CAMKMT: variants seen among roughly 807,000 people sequenced by gnomAD.
The protein encoded by CAMKMT is calmodulin-lysine N-methyltransferase, also known as CaM KMT.
CAMKMT carries 53 observed loss-of-function variants against 48.0 expected under a neutral mutation model. The ratio of observed to expected loss-of-function variants is 1.10; its 90% CI spans 0.89 to 1.39. The LOEUF is 1.39. CAMKMT is among the 40% of genes most tolerant of loss of function. CAMKMT has a pLI of 0.00. For missense variants in CAMKMT, 428 were observed against 402.7 expected, an observed-to-expected ratio of 1.06 and a Z score of -0.54; for synonymous variants, 165 against 152.3, an observed-to-expected ratio of 1.08 and a Z score of -0.61.
chr2:44,465,156 T>C (rs1399067014), intron 3 of CAMKMT, among the ~76,000 whole-genome samples: 4 of 152,142 alleles, frequency 2.6e-5, no homozygotes, highest in Non-Finnish European at 4.4e-5. Context: ...TGTAAAGGAA[T>C]GAAATATTTA....
intron 3 of CAMKMT, among the ~76,000 whole-genome samples, chr2:44,558,063 A>T (rs892946020): frequency 9.1e-6 from 1 of 109,552 alleles, no homozygotes; most frequent in Non-Finnish European, 2.1e-5. Context: ...TCATTCATTC[A>T]TTCATTCATT....
intron 3 of CAMKMT, among the ~76,000 whole-genome samples, chr2:44,644,546 G>A (rs1297173909): frequency 6.6e-6 from 1 of 152,154 alleles, no homozygotes; most frequent in Non-Finnish European, 1.5e-5. Flanking sequence ...AAAGGCTTTT[G>A]TATTTTCTTC....
chr2:44,683,801 C>A (rs866477024), intron 3 of CAMKMT, among the ~76,000 whole-genome samples: 3 of 111,512 alleles, frequency 2.7e-5, no homozygotes, highest in South Asian at 3.0e-4. Flanking sequence ...CCAGCCTGGG[C>A]GACAGAGCGA....
chr2:44,591,273 T>G (rs1192163811), intron 3 of CAMKMT, among the ~76,000 whole-genome samples: 5 of 152,160 alleles, frequency 3.3e-5, no homozygotes, highest in African/African-American at 1.2e-4. Flanking sequence ...TAAAGTAGTT[T>G]TTTCCAATTC....
intron 3 of CAMKMT, among the ~76,000 whole-genome samples, chr2:44,696,409 T>G (rs1297765591): frequency 6.6e-6 from 1 of 152,198 alleles, no homozygotes; most frequent in Non-Finnish European, 1.5e-5. Flanking sequence ...GCAGTTGTAC[T>G]TCTAAAAGAA....
At chr2:44,395,891 TACA>T (rs1681792369) in intron 3 of CAMKMT, among the ~76,000 whole-genome samples, 1 of 152,162 alleles carries the variant, frequency 6.6e-6, no homozygotes, top group Non-Finnish European at 1.5e-5. Context: ...AATGTAAAGC[TACA>T]CAATTAAAAT....
At chr2:44,366,622 A>T (rs978930823) in intron 1 of CAMKMT, among the ~76,000 whole-genome samples, 1 of 152,186 alleles carries the variant, frequency 6.6e-6, no homozygotes, top group Non-Finnish European at 1.5e-5. Flanking sequence ...GATAACACAT[A>T]CTTTGGAAGG....
At chr2:44,600,455 G>C (rs1670919669) in intron 3 of CAMKMT, among the ~76,000 whole-genome samples, 1 of 151,862 alleles carries the variant, frequency 6.6e-6, no homozygotes, top group South Asian at 2.1e-4. Flanking sequence ...TTGGTAGAGA[G>C]ACAGGGTTTT....
At chr2:44,631,487 A>T in intron 3 of CAMKMT, 1 of 613,320 alleles carries the variant, frequency 1.6e-6, no homozygotes, top group African/African-American at 1.9e-5. Context: ...TTTTTTTTGT[A>T]CAGATGATGT....
At chr2:44,570,350 T>C (rs2103732645) in intron 3 of CAMKMT, among the ~76,000 whole-genome samples, 1 of 152,314 alleles carries the variant, frequency 6.6e-6, no homozygotes, top group East Asian at 1.9e-4. Context: ...GGGAGAATGA[T>C]AGATGAATAA....
chr2:44,488,569 G>A (rs528998476), intron 3 of CAMKMT, among the ~76,000 whole-genome samples: 4 of 151,976 alleles, frequency 2.6e-5, no homozygotes, highest in African/African-American at 4.8e-5. Context: ...AGGCATGGTG[G>A]TGTGCACCTG....
intron 3 of CAMKMT, among the ~76,000 whole-genome samples, chr2:44,678,124 C>T (rs1051799442): frequency 1.3e-5 from 2 of 152,128 alleles, no homozygotes; most frequent in African/African-American, 4.8e-5. Context: ...TGCTGCGTTT[C>T]CGAAAACCCA....
chr2:44,491,460 T>G (rs1392957945), intron 3 of CAMKMT, among the ~76,000 whole-genome samples: 1 of 152,216 alleles, frequency 6.6e-6, no homozygotes, highest in Non-Finnish European at 1.5e-5. Context: ...GGTACACCAT[T>G]GGCTTCCAGG....
At chr2:44,456,734 A>C (rs1386693717) in intron 3 of CAMKMT, 1 of 823,940 alleles carries the variant, frequency 1.2e-6, no homozygotes, top group African/African-American at 1.7e-5. Flanking sequence ...TCATAGCAGA[A>C]ATCCTCATGC....
chr2:44,752,139 G>GT (rs1305316559), intron 8 of CAMKMT, among the ~76,000 whole-genome samples: 1 of 152,026 alleles, frequency 6.6e-6, no homozygotes, highest in Non-Finnish European at 1.5e-5. Context: ...GGGCCCCATG[G>GT]TTTTGGCATC....
rs1465828686 is a variant in CAMKMT at position 44,706,350 on chromosome 2, T to G, written c.492+9T>G. ...GCTTGGCTGGGCTCATGGTAGGTCT[T>G]TTCTCCATTCCAATCCCATTCAGAG... On this transcript the variant is annotated intron_variant, in intron 5 of 10. Transcript: ENST00000378494. The G allele has an allele frequency of 6.2e-7, 1 of 1,613,048 alleles. No individual in the cohort carries two copies. Among genetic ancestry groups the G allele is most frequent in the Non-Finnish European group, 8.5e-7 (1 of 1,179,268 alleles).
intron 3 of CAMKMT, among the ~76,000 whole-genome samples, chr2:44,612,045 A>G (rs908800153): frequency 2.0e-5 from 3 of 152,154 alleles, no homozygotes; most frequent in African/African-American, 7.2e-5. Context: ...TCCAAACTAT[A>G]TCATCTGGGT....
rs180798502 is a variant in CAMKMT, at chr2:44,410,048, G to C, written c.376+19743G>C. 1.2e-4 allele frequency among the ~76,000 whole-genome samples: 18 copies of C among 151,688 alleles called. 1 individual carries two copies. The East Asian group carries it at 3.5e-3, about 29-fold the overall frequency. On this transcript the variant is annotated intron_variant, in intron 3 of 10. Transcript: ENST00000378494. ...AGAGAAGAGCTGAGAGCTGTGTATA[G>C]TTTTTAGTATGTTTTCTTTATGTAG... is the stretch of plus-strand genomic sequence containing the variant.
chr2:44,412,813 C>T (rs144595143), intron 3 of CAMKMT, among the ~76,000 whole-genome samples: 4,765 of 151,994 alleles, frequency 0.031, 211 homozygotes, highest in African/African-American at 0.1. Context: ...CGGTGGCTCA[C>T]GCCTGTAATC....
Sources: allele counts gnomAD v4.1 joint callset (sites outside exome capture counted in the v4.1 genomes callset), GRCh38; gene constraint gnomAD v4.1.1; transcripts MANE v1.5; gene names NCBI Gene and HGNC (gene_info 2026-07-23, HGNC 2026-07-21).